The following CSTPP1 variants were observed in gnomAD, a reference collection of about 807,000 sequenced individuals.
The protein encoded by CSTPP1 is centriolar satellite-associated tubulin polyglutamylase complex regulator 1.
the CSTPP1 span, among the ~76,000 whole-genome samples, chr11:47,118,836 C>T: frequency 6.6e-6 from 1 of 152,206 alleles, no homozygotes; most frequent in Non-Finnish European, 1.5e-5. Context: ...AGCTTCGTCC[C>T]AGAGGGCAGC....
the CSTPP1 span, among the ~76,000 whole-genome samples, chr11:47,113,899 G>A: frequency 2.0e-5 from 3 of 152,176 alleles, no homozygotes; most frequent in Non-Finnish European, 4.4e-5. Context: ...TGCTTTTGGT[G>A]TTTTAGTCAT....
the CSTPP1 span, among the ~76,000 whole-genome samples, chr11:47,105,285 AGGGGT>A: frequency 6.6e-6 from 1 of 152,134 alleles, no homozygotes; most frequent in South Asian, 2.1e-4. Context: ...ACTTAAAGTG[AGGGGT>A]TCCAGACTAG....
chr11:47,070,945 G>T, the CSTPP1 span, among the ~76,000 whole-genome samples: 1 of 151,972 alleles, frequency 6.6e-6, no homozygotes, highest in Admixed American at 6.6e-5. Flanking sequence ...AACACTCCTT[G>T]TGCTTTCCCC....
At chr11:47,070,004 C>T in the CSTPP1 span, among the ~76,000 whole-genome samples, 11,908 of 152,278 alleles carry the variant, frequency 0.078, 488 homozygotes, top group Non-Finnish European at 0.089. Flanking sequence ...TGAGCCACCG[C>T]ACCCGGCCGT....
chr11:47,002,426 C>T, the CSTPP1 span, among the ~76,000 whole-genome samples: 1 of 152,118 alleles, frequency 6.6e-6, no homozygotes, highest in Admixed American at 6.6e-5. Context: ...AAGAAGTTGC[C>T]TGTTTTTGTA....
At chr11:47,013,652 A>G in the CSTPP1 span, among the ~76,000 whole-genome samples, 2 of 152,132 alleles carry the variant, frequency 1.3e-5, no homozygotes, top group Non-Finnish European at 2.9e-5. Context: ...TCTATCATTG[A>G]TGGGCATTTG....
At chr11:46,968,249 G>C in the CSTPP1 span, among the ~76,000 whole-genome samples, 1 of 151,130 alleles carries the variant, frequency 6.6e-6, no homozygotes, top group Admixed American at 6.6e-5. Context: ...GAAATCAAAG[G>C]CCTTCTATAA....
chr11:46,974,746 TTGGGAGGCTGAGG>T, the CSTPP1 span, among the ~76,000 whole-genome samples: 2 of 151,648 alleles, frequency 1.3e-5, no homozygotes, highest in African/African-American at 4.8e-5. Flanking sequence ...TCCCAGCTAC[TTGGGAGGCTGAGG>T]TGGGAGGCTC....
chr11:47,137,405 G>A, the CSTPP1 span: 3 of 1,505,744 alleles, frequency 2.0e-6, no homozygotes, highest in Non-Finnish European at 2.7e-6. Context: ...TTTCATACCA[G>A]TGAAGCTCCT....
the CSTPP1 span, among the ~76,000 whole-genome samples, chr11:47,026,890 CATAA>C: frequency 6.6e-6 from 1 of 152,068 alleles, no homozygotes. Context: ...AAAAACAAAA[CATAA>C]ATAAATGAAG....
At chr11:47,152,366 A>C in the CSTPP1 span, among the ~76,000 whole-genome samples, 1 of 152,148 alleles carries the variant, frequency 6.6e-6, no homozygotes, top group South Asian at 2.1e-4. Context: ...CCCATCTCCA[A>C]AGGGACTGCT....
the CSTPP1 span, chr11:47,137,324 A>G: frequency 5.1e-6 from 7 of 1,375,832 alleles, 1 homozygote; most frequent in African/African-American, 8.7e-5. Context: ...AGATTTTTAT[A>G]TACAAGGAAA....
At chr11:47,074,235 C>T in the CSTPP1 span, among the ~76,000 whole-genome samples, 2 of 151,866 alleles carry the variant, frequency 1.3e-5, no homozygotes, top group South Asian at 2.1e-4. Context: ...TGCCATGGCT[C>T]ATGCCTATAG....
chr11:46,939,637 T>C, the CSTPP1 span, among the ~76,000 whole-genome samples: 4 of 112,394 alleles, frequency 3.6e-5, no homozygotes, highest in South Asian at 6.4e-4. Context: ...AATGCATAGA[T>C]AGATAGATAG....
At chr11:47,109,754 T>C in the CSTPP1 span, among the ~76,000 whole-genome samples, 6 of 152,204 alleles carry the variant, frequency 3.9e-5, no homozygotes, top group Non-Finnish European at 8.8e-5. Flanking sequence ...CCCTCCCCCA[T>C]GGCAGTATGT....
the CSTPP1 span, among the ~76,000 whole-genome samples, chr11:46,997,903 C>A: frequency 6.6e-6 from 1 of 152,168 alleles, no homozygotes. Context: ...AATGTAGTTG[C>A]CTGATCGTTC....
chr11:46,975,167 C>A, the CSTPP1 span, among the ~76,000 whole-genome samples: 3 of 151,894 alleles, frequency 2.0e-5, no homozygotes, highest in South Asian at 6.2e-4. Context: ...ATCCCAGCTG[C>A]TCAGGAGGCT....
chr11:47,088,838 GC>G, the CSTPP1 span, among the ~76,000 whole-genome samples: 2 of 152,100 alleles, frequency 1.3e-5, no homozygotes, highest in Non-Finnish European at 2.9e-5. Flanking sequence ...GAGCCACTGT[GC>G]CCGGCCAAAT....
chr11:46,975,649 A>G, the CSTPP1 span, among the ~76,000 whole-genome samples: 1 of 152,222 alleles, frequency 6.6e-6, no homozygotes. Flanking sequence ...GGTTATAGAC[A>G]GAAATATGGA....
Sources: allele counts gnomAD v4.1 joint callset (sites outside exome capture counted in the v4.1 genomes callset), GRCh38; gene constraint gnomAD v4.1.1; transcripts MANE v1.5; gene names NCBI Gene and HGNC (gene_info 2026-07-23, HGNC 2026-07-21).